PRKAR1A: variants seen among roughly 807,000 people sequenced by gnomAD.
PRKAR1A encodes protein kinase cAMP-dependent type I regulatory subunit alpha.
PRKAR1A carries 3 observed loss-of-function variants against 52.0 expected under a neutral mutation model. That is an observed-to-expected ratio of 0.06 (90% CI 0.03 to 0.15). The LOEUF is 0.15. PRKAR1A is among the 10% of genes least tolerant of loss of function. PRKAR1A has a pLI of 1.00. For synonymous variants in PRKAR1A, 188 were observed against 168.4 expected (o/e 1.12, Z -0.90); for missense variants, 240 against 477.4 (o/e 0.50, Z 4.63).
the PRKAR1A span, chr17:68,421,059 AATC>A: frequency 6.5e-6 from 1 of 155,018 alleles, no homozygotes; most frequent in Non-Finnish European, 1.4e-5. Flanking sequence ...TAGATCCTGA[AATC>A]CTACATTTCT....
chr17:68,539,977 G>C, intron 11 of PRKAR1A: 7 of 1,613,712 alleles, frequency 4.3e-6, no homozygotes, highest in Non-Finnish European at 5.9e-6. Context: ...CTGTGAAGGA[G>C]GGGAGGACTT....
intron 9 of PRKAR1A, among the ~76,000 whole-genome samples, chr17:68,529,579 C>T (rs1364355423): frequency 6.6e-6 from 1 of 152,198 alleles, no homozygotes; most frequent in African/African-American, 2.4e-5. Context: ...CAACTCTTGT[C>T]ATAGTGCAAA....
At chr17:68,541,860 G>T in intron 11 of PRKAR1A, 1 of 1,164,734 alleles carries the variant, frequency 8.6e-7, no homozygotes, top group Non-Finnish European at 1.2e-6. Context: ...GGATCAATAT[G>T]AAATGGGGCA....
upstream of PRKAR1A, chr17:68,511,778 G>A (rs2085269479): frequency 6.6e-6 from 1 of 152,050 alleles, no homozygotes; most frequent in Non-Finnish European, 1.5e-5. Flanking sequence ...GCGCGGCCCG[G>A]AGAGCGCATC....
the PRKAR1A span, among the ~76,000 whole-genome samples, chr17:68,425,062 T>C: frequency 0.38 from 57,616 of 152,080 alleles, 12,459 homozygotes; most frequent in Admixed American, 0.53. Flanking sequence ...TTCCAGGTGA[T>C]GGAAGAAGCC....
chr17:68,423,508 T>C, the PRKAR1A span, among the ~76,000 whole-genome samples: 2 of 152,102 alleles, frequency 1.3e-5, no homozygotes, highest in African/African-American at 4.8e-5. This position sits in a 1 kb window ranked among gnomAD's most constrained non-coding sequence, Gnocchi z 4.4. Flanking sequence ...CTCACAAGGG[T>C]CTAACACCTG....
the PRKAR1A span, among the ~76,000 whole-genome samples, chr17:68,468,044 T>C: frequency 6.6e-6 from 1 of 152,020 alleles, no homozygotes; most frequent in Non-Finnish European, 1.5e-5. Flanking sequence ...CACAGGCACA[T>C]ACTACCATGC....
At chr17:68,485,115 C>A in the PRKAR1A span, among the ~76,000 whole-genome samples, 1 of 152,316 alleles carries the variant, frequency 6.6e-6, no homozygotes, top group East Asian at 1.9e-4. Flanking sequence ...GGCTGCCTTT[C>A]TGCTAATTAG....
the PRKAR1A span, chr17:68,426,254 G>GGGGGCCCCCCCCCCCCCCCC: frequency 1.2e-6 from 1 of 816,922 alleles, no homozygotes. Context: ...GGGAGCGGGG[G>GGGGGCCCCCCCCCCCCCCCC]CTCAAATAAA....
At chr17:68,482,608 C>T in the PRKAR1A span, among the ~76,000 whole-genome samples, 1 of 152,110 alleles carries the variant, frequency 6.6e-6, no homozygotes, top group Non-Finnish European at 1.5e-5. Context: ...GGCAATAACC[C>T]TAGACACCGG....
chr17:68,457,575 G>GC, the PRKAR1A span: 3 of 250,498 alleles, frequency 1.2e-5, no homozygotes, highest in East Asian at 1.9e-4. Flanking sequence ...TCCCCACCCC[G>GC]CCCCTACCCC....
the PRKAR1A span, chr17:68,421,680 C>G: frequency 6.4e-7 from 1 of 1,571,800 alleles, no homozygotes; most frequent in East Asian, 2.2e-5. Flanking sequence ...CCCCTTTCTG[C>G]TCACACAATT....
the PRKAR1A span, among the ~76,000 whole-genome samples, chr17:68,453,391 C>T: frequency 2.1e-4 from 32 of 152,106 alleles, no homozygotes; most frequent in Non-Finnish European, 8.8e-5. Flanking sequence ...GTCTGAGAGG[C>T]ACTTTACCAG....
intron 11 of PRKAR1A, chr17:68,541,339 C>T (rs1032733929): frequency 2.3e-5 from 6 of 259,730 alleles, no homozygotes; most frequent in Non-Finnish European, 3.8e-5. Context: ...TGTTCCTGCC[C>T]TTTCTCTCTC....
the PRKAR1A span, chr17:68,433,572 A>C: frequency 6.2e-7 from 1 of 1,613,794 alleles, no homozygotes; most frequent in Non-Finnish European, 8.5e-7. Flanking sequence ...TGATTGTCAC[A>C]TACCTACAAG....
chr17:68,509,918 G>A (rs1446555135), upstream of PRKAR1A, among the ~76,000 whole-genome samples: 1 of 152,148 alleles, frequency 6.6e-6, no homozygotes, highest in Non-Finnish European at 1.5e-5. Context: ...ACACAGCCAG[G>A]ACTCAGCAAG....
intron 11 of PRKAR1A, among the ~76,000 whole-genome samples, chr17:68,550,760 C>G (rs905440557): frequency 2.0e-5 from 3 of 152,212 alleles, no homozygotes; most frequent in Non-Finnish European, 4.4e-5. Flanking sequence ...AGCTAGTCCA[C>G]TGGACTCCCT....
chr17:68,444,727 T>C, the PRKAR1A span: 11 of 641,624 alleles, frequency 1.7e-5, no homozygotes, highest in Non-Finnish European at 5.2e-6. Flanking sequence ...ATTTTGAAGA[T>C]TGTGTTTATG....
rs1439404905 is a variant in PRKAR1A at position 68,543,795 on chromosome 17, G to T, written c.974-7289G>T. ...GCCTGAGAAGAGAGCTGATGAGCAT[G>T]ACCAGCGAGAAAGGAAAACGGGCTT... On this transcript the variant is annotated intron_variant, in intron 11 of 11. Coordinates refer to the PRKAR1A transcript ENST00000585981. 4 of 1,296,802 alleles carry T rather than the reference G, an allele frequency of 3.1e-6. No individual in the cohort carries two copies. In the South Asian group the frequency reaches 3.5e-5, roughly 12 times the overall value. 80.3% of individuals were successfully genotyped at this position (1,296,802 alleles called of 1,614,324 possible).
Sources: gnomAD v4.1 joint callset for allele counts (sites outside exome capture counted in the v4.1 genomes callset) on GRCh38, gnomAD v4.1.1 for gene constraint, Gnocchi (gnomAD v3.1) non-coding constraint, MANE v1.5 for transcripts, NCBI Gene and HGNC (gene_info 2026-07-23, HGNC 2026-07-21) for gene names.